Variants in MAP3K19 observed in about 807,000 individuals in gnomAD.
MAP3K19 encodes SPS1/STE20-related protein kinase YSK4.
Under a neutral mutation model 114.4 loss-of-function variants are expected in MAP3K19, and 91 were observed. The observed-to-expected ratio is 0.80, with a 90% CI of 0.67 to 0.95. The LOEUF (loss-of-function observed/expected upper bound fraction) is 0.95, where lower values mean the gene tolerates loss of function less well. Among genes scored for constraint, MAP3K19 ranks in the 40% least tolerant of loss-of-function variants. MAP3K19 has a pLI of 0.00. For missense variants in MAP3K19, 1,471 were observed against 1,573.2 expected (o/e 0.94, Z 1.10); for synonymous variants, 518 against 530.5 (o/e 0.98, Z 0.32).
intron 5 of MAP3K19, among the ~76,000 whole-genome samples, chr2:135,021,473 T>TACACAC (rs111431630): frequency 4.1e-4 from 60 of 146,666 alleles, no homozygotes; most frequent in Middle Eastern, 3.8e-3. Flanking sequence ...CACACACACA[T>TACACAC]ACACACACAC....
intron 6 of MAP3K19, among the ~76,000 whole-genome samples, chr2:135,004,240 T>A (rs1160641168): frequency 6.6e-6 from 1 of 152,234 alleles, no homozygotes; most frequent in East Asian, 1.9e-4. Flanking sequence ...GAGCTTGGCT[T>A]TGAAGTCTAT....
chr2:134,977,356 A>ATTTTTTTTTTTT (rs774277347), intron 12 of MAP3K19, among the ~76,000 whole-genome samples: 3 of 86,834 alleles, frequency 3.5e-5, no homozygotes, highest in Admixed American at 1.8e-4. Flanking sequence ...TAATTTTTAA[A>ATTTTTTTTTTTT]TTTTTTTTTT....
At chr2:134,996,547 ATCCAG>A (rs1452545645) in intron 8 of MAP3K19, among the ~76,000 whole-genome samples, 1 of 152,186 alleles carries the variant, frequency 6.6e-6, no homozygotes. Flanking sequence ...AGGGCAACTC[ATCCAG>A]TCTTGGGAAG....
chr2:134,969,164 A>G (rs887744747), intron 12 of MAP3K19, among the ~76,000 whole-genome samples: 13 of 147,786 alleles, frequency 8.8e-5, no homozygotes, highest in African/African-American at 3.3e-4. Context: ...CCCAGCCAAC[A>G]CAGCGAAACC....
At chr2:135,012,944 C>CTTGT (rs61102621) in intron 5 of MAP3K19, among the ~76,000 whole-genome samples, 40 of 151,712 alleles carry the variant, frequency 2.6e-4, no homozygotes, top group East Asian at 2.1e-3. Flanking sequence ...CCCCCAAACC[C>CTTGT]TTGTTTGTTT....
chr2:135,000,895 G>T (rs1686390665), intron 6 of MAP3K19, among the ~76,000 whole-genome samples: 1 of 152,144 alleles, frequency 6.6e-6, no homozygotes, highest in African/African-American at 2.4e-5. Flanking sequence ...TGGGGAAGGA[G>T]TATCGCAGGG....
At chr2:134,968,738 C>T (rs1228975336) in intron 12 of MAP3K19, among the ~76,000 whole-genome samples, 5 of 150,990 alleles carry the variant, frequency 3.3e-5, no homozygotes, top group African/African-American at 1.2e-4. Context: ...GCGGTCCCCA[C>T]ATCTCAGACG....
chr2:135,046,225 GT>G (rs936275982), intron 1 of MAP3K19, among the ~76,000 whole-genome samples: 3 of 151,862 alleles, frequency 2.0e-5, no homozygotes, highest in East Asian at 1.9e-4. Flanking sequence ...TCCATTTTAG[GT>G]TTTTTTCATA....
At chr2:134,965,654 A>G (rs1683282095) in intron 12 of MAP3K19, among the ~76,000 whole-genome samples, 2 of 152,132 alleles carry the variant, frequency 1.3e-5, no homozygotes, top group Admixed American at 6.5e-5. Flanking sequence ...ACAACCAGGT[A>G]ACTTCCCCTA....
At chr2:134,977,179 C>A (rs1367495937) in intron 12 of MAP3K19, among the ~76,000 whole-genome samples, 5 of 150,258 alleles carry the variant, frequency 3.3e-5, no homozygotes, top group African/African-American at 9.8e-5. Context: ...ACCGCTCCCC[C>A]ACCCACTTTT....
At chr2:135,044,355 C>A (rs1688698885) in intron 1 of MAP3K19, among the ~76,000 whole-genome samples, 1 of 152,160 alleles carries the variant, frequency 6.6e-6, no homozygotes, top group Non-Finnish European at 1.5e-5. Context: ...CTTTGGGAGG[C>A]CGATGTGGGT....
At chr2:134,989,873 G>A (rs1318164803) in intron 9 of MAP3K19, among the ~76,000 whole-genome samples, 5 of 152,120 alleles carry the variant, frequency 3.3e-5, no homozygotes, top group African/African-American at 9.7e-5. Flanking sequence ...CTCAAGGTCA[G>A]GAGTTCAAGA....
intron 2 of MAP3K19, among the ~76,000 whole-genome samples, chr2:135,031,835 C>A (rs6709763): frequency 0.27 from 40,340 of 151,976 alleles, 7,220 homozygotes; most frequent in African/African-American, 0.49. Context: ...TAACACTGAG[C>A]CAGAAATCAG....
At chr2:134,981,880 C>CTTTTTTTTTTTT (rs567597251) in intron 11 of MAP3K19, among the ~76,000 whole-genome samples, 267 of 124,500 alleles carry the variant, frequency 2.1e-3, no homozygotes, top group Non-Finnish European at 3.5e-3. Context: ...GATTTCTTTT[C>CTTTTTTTTTTTT]TTTTTTTTTT....
At position 134,998,249 on chromosome 2, in the gene MAP3K19, A is replaced by G. The variant is rs140730896; in HGVS notation, c.574+489T>C. On this transcript the variant is annotated intron_variant, in intron 8 of 12. Transcript: ENST00000392915. ...AAATTCAATACTTCTGGCCAAAAGC[A>G]TCCACAGCGTGGGCCCCCAAGATTC... is the stretch of plus-strand genomic sequence containing the variant. Among the ~76,000 whole-genome samples the G allele has an allele frequency of 4.3e-3, 658 of 152,314 alleles. 3 individuals are homozygous for G. The highest frequency in any genetic ancestry group is 0.022 in the South Asian group (107 of 4,826).
At chr2:134,965,558 A>G (rs1234709475) in intron 12 of MAP3K19, among the ~76,000 whole-genome samples, 1 of 152,216 alleles carries the variant, frequency 6.6e-6, no homozygotes, top group Non-Finnish European at 1.5e-5. Context: ...ATTAGCTGCA[A>G]TGGCCTATTC....
intron 12 of MAP3K19, among the ~76,000 whole-genome samples, chr2:134,966,992 T>A (rs1412987905): frequency 1.3e-5 from 2 of 152,192 alleles, no homozygotes; most frequent in African/African-American, 4.8e-5. Flanking sequence ...TTTCAACAAT[T>A]TCTTTGCTGA....
intron 6 of MAP3K19, among the ~76,000 whole-genome samples, chr2:135,003,682 G>A (rs1459960192): frequency 1.3e-5 from 2 of 152,202 alleles, no homozygotes; most frequent in East Asian, 3.9e-4. Flanking sequence ...AGCCTCCCGA[G>A]TAGCTGGGAT....
intron 12 of MAP3K19, among the ~76,000 whole-genome samples, chr2:134,967,562 T>C (rs1466754811): frequency 6.6e-6 from 1 of 152,262 alleles, no homozygotes; most frequent in Admixed American, 6.5e-5. Context: ...TCCACTGAGA[T>C]GTTTGGGTGG....
Sources: gnomAD v4.1 joint callset for allele counts (sites outside exome capture counted in the v4.1 genomes callset) on GRCh38, gnomAD v4.1.1 for gene constraint, MANE v1.5 for transcripts, NCBI Gene and HGNC (gene_info 2026-07-23, HGNC 2026-07-21) for gene names.